GABRG1: variants seen among roughly 807,000 people sequenced by gnomAD.
GABRG1 encodes gamma-aminobutyric acid type A receptor subunit gamma1, also known as gamma-aminobutyric acid receptor subunit gamma-1.
A neutral mutation model predicts 49.8 loss-of-function variants in GABRG1; 49 were observed. The observed-to-expected ratio is 0.98, with a 90% CI of 0.78 to 1.25. The LOEUF (loss-of-function observed/expected upper bound fraction) is 1.25, where lower values mean the gene tolerates loss of function less well. GABRG1 is among the 50% of genes most tolerant of loss of function. GABRG1 has a pLI of 0.00. For missense variants in GABRG1, 552 were observed against 552.3 expected, an observed-to-expected ratio of 1.00 and a Z score of 0.01; for synonymous variants, 232 against 185.1, an observed-to-expected ratio of 1.25 and a Z score of -2.06.
At position 46,051,565 on chromosome 4, in the gene GABRG1, C is replaced by T. The variant is rs1431398471; in HGVS notation, c.990G>A (p.Val330=). 30 of 1,611,558 alleles carry T rather than the reference C, an allele frequency of 1.9e-5. No homozygotes were observed. The highest frequency in any genetic ancestry group is 2.4e-5 in the Non-Finnish European group (28 of 1,178,516). The part of the protein sequence containing the change: ...ARKSLPKVSY[V]TAMDLFVSVC... ...CAGAAACAAAGAGATCCATCGCAGTCACATAAGAAACCTTAGGTAAAGACT... is the reference window on the plus strand; with the variant it reads ...CAGAAACAAAGAGATCCATCGCAGTTACATAAGAAACCTTAGGTAAAGACT... Residue 330 remains valine (V), a synonymous_variant, in exon 8 of 9, where the codon GTG becomes GTA. Transcript: ENST00000295452.
At position 46,081,519 on chromosome 4, in the gene GABRG1, CA is replaced by C. The variant is rs935895627; in HGVS notation, c.321+2466del. ...GAAAAACTGAGTGTGACTGTCACAC[CA>C]AAGGAGTAAGCAGACATAGGCAACT... On this transcript the variant is annotated intron_variant, in intron 3 of 8. Coordinates refer to ENST00000295452, the MANE Select transcript of GABRG1 (RefSeq NM_173536.4). 8.6e-5 allele frequency among the ~76,000 whole-genome samples: 13 copies of C among 151,612 alleles called. No homozygotes were observed. The South Asian group carries it at 2.5e-3, about 29-fold the overall frequency.
In GABRG1 at chr4:46,039,865, G is replaced by A. The variant is rs1717688876; in HGVS notation, c.*1123C>T. On this transcript the variant is annotated 3_prime_UTR_variant, in exon 9 of 9. Transcript: ENST00000295452. ...GCCCCCAGTTTCTAGAAAAAAAAAA[G>A]AATATTATAATAATGTATAATGTAG... 6.6e-6 allele frequency: 1 copy of A among 151,212 alleles called. No homozygotes were observed. Among genetic ancestry groups the A allele is most frequent in the South Asian group, 2.1e-4 (1 of 4,800 alleles). The allele number at this position is 151,212 out of a possible 1,614,324, so 9.4% of individuals were successfully genotyped here.
rs1720197354 is a variant in GABRG1, at chr4:46,097,303, T to C, written c.151A>G (p.Lys51Glu). 1.2e-6 allele frequency: 2 copies of C among 1,610,756 alleles called. No homozygotes were observed. The highest frequency in any genetic ancestry group is 1.7e-6 in the Non-Finnish European group (2 of 1,178,028). The change falls in exon 2 of 9, where the codon AAA becomes GAA. Residue 51 changes from lysine to glutamate, a missense_variant. By Grantham distance (56) the Lys-to-Glu change is moderately conservative. Transcript: ENST00000295452. Reference sequence around the variant, plus strand: ...ATTTTTGGGGCCAAGACCCAGGTTTTGTTCACCGTTAAATCCTCATCATCT... The same window carrying C: ...ATTTTTGGGGCCAAGACCCAGGTTTCGTTCACCGTTAAATCCTCATCATCT... Reference protein sequence around the residue: ...DEDDEDLTVNKTWVLAPKIHE... With the variant: ...DEDDEDLTVNETWVLAPKIHE...
At chr4:46,103,006 C>T (rs1720430770) in intron 1 of GABRG1, among the ~76,000 whole-genome samples, 1 of 149,176 alleles carries the variant, frequency 6.7e-6, no homozygotes, top group South Asian at 2.1e-4. Context: ...ACCTGTTGCC[C>T]CAAAATGATT....
intron 3 of GABRG1, among the ~76,000 whole-genome samples, chr4:46,081,624 T>C (rs1719572220): frequency 6.6e-6 from 1 of 151,780 alleles, no homozygotes; most frequent in Non-Finnish European, 1.5e-5. Flanking sequence ...ATTATAATAT[T>C]GAATAAATAA....
At chr4:46,092,827 C>T (rs143151857) in intron 2 of GABRG1, among the ~76,000 whole-genome samples, 2,446 of 151,620 alleles carry the variant, frequency 0.016, 65 homozygotes, top group African/African-American at 0.057. Flanking sequence ...TTTAGAAGGC[C>T]GAGGTGGGTG....
intron 3 of GABRG1, among the ~76,000 whole-genome samples, chr4:46,067,903 C>T (rs1412105996): frequency 1.3e-5 from 2 of 152,128 alleles, no homozygotes; most frequent in Non-Finnish European, 2.9e-5. Context: ...CACAACATCA[C>T]TGGTGTACCT....
chr4:46,123,930 C>A lies in GABRG1; in HGVS notation c.-17G>T. On this transcript the variant is annotated 5_prime_UTR_variant, in exon 1 of 9. Coordinates refer to ENST00000295452, the MANE Select transcript of GABRG1 (RefSeq NM_173536.4). ...AGGACCCATCGGAATCGCTTTTTTA[C>A]GTGTGCTGCACTAGCTCAATTCTCC... 1.3e-6 allele frequency: 2 copies of A among 1,586,416 alleles called. No individual in the cohort carries two copies. Among genetic ancestry groups the A allele is most frequent in the Non-Finnish European group, 1.7e-6 (2 of 1,155,786 alleles).
rs1359063207 is a variant in GABRG1 at position 46,062,033 on chromosome 4, C to T, written c.625+2408G>A. On this transcript the variant is annotated intron_variant, in intron 5 of 8. Coordinates refer to ENST00000295452, the MANE Select transcript of GABRG1 (RefSeq NM_173536.4). ...TAATGCTATCCCTCCCCCCTCCCCC[C>T]ACCCCACAACAGTCCCCAGAGTGTG... Among the ~76,000 whole-genome samples, 16 of 112,584 alleles carry T rather than the reference C, an allele frequency of 1.4e-4. No homozygotes were observed. The East Asian group carries it at 2.2e-3, about 16-fold the overall frequency. The allele number at this position is 112,584 out of a possible 152,430, so 73.9% of individuals were successfully genotyped here. A position where few individuals can be genotyped will look rare whatever the true frequency, so the allele number is the denominator to read the frequency against.
At chr4:46,082,605 A>G (rs1719616856) in intron 3 of GABRG1, among the ~76,000 whole-genome samples, 1 of 151,730 alleles carries the variant, frequency 6.6e-6, no homozygotes, top group African/African-American at 2.4e-5. Context: ...TTCCAACTGA[A>G]TTTCTCCTAA....
intron 1 of GABRG1, among the ~76,000 whole-genome samples, chr4:46,120,317 G>T (rs1410820649): frequency 6.6e-6 from 1 of 151,190 alleles, no homozygotes; most frequent in Admixed American, 6.6e-5. Context: ...CCTCCTTTGG[G>T]CCTCCACCTT....
chr4:46,072,518 C>T (rs1001453701), intron 3 of GABRG1, among the ~76,000 whole-genome samples: 14 of 152,056 alleles, frequency 9.2e-5, no homozygotes, highest in African/African-American at 3.4e-4. Flanking sequence ...CATATTCCTC[C>T]ATCTCATGTT....
chr4:46,085,122 C>T lies in GABRG1; in HGVS notation c.254-1069G>A, dbSNP rs577827955. ...TCAGTTAAACTGATAAATCAGCAAA[C>T]GCCGAGTGCCTACTTTTATTTCACA... On this transcript the variant is annotated intron_variant, in intron 2 of 8. Transcript: ENST00000295452. 6.6e-5 allele frequency among the ~76,000 whole-genome samples: 10 copies of T among 151,070 alleles called. No homozygotes were observed. The South Asian group carries it at 1.7e-3, about 25-fold the overall frequency.
intron 1 of GABRG1, among the ~76,000 whole-genome samples, chr4:46,116,672 C>T (rs1720897502): frequency 6.6e-6 from 1 of 150,682 alleles, no homozygotes; most frequent in African/African-American, 2.4e-5. Context: ...ACTTCAAAAA[C>T]TAAGAGAATA....
intron 2 of GABRG1, among the ~76,000 whole-genome samples, chr4:46,093,144 T>C (rs936019346): frequency 2.0e-5 from 3 of 150,208 alleles, no homozygotes; most frequent in Non-Finnish European, 3.0e-5. Flanking sequence ...TCAAATTAAA[T>C]GTTATAGCAA....
chr4:46,077,746 A>G (rs970687804), intron 3 of GABRG1, among the ~76,000 whole-genome samples: 2 of 151,840 alleles, frequency 1.3e-5, no homozygotes, highest in African/African-American at 2.4e-5. Flanking sequence ...TTAACAATGA[A>G]CCAATTGTCA....
In GABRG1 at chr4:46,071,932, T is replaced by G. The variant is rs533422043; in HGVS notation, c.322-6348A>C. ...TTTAGTGTATTCTAAGTGCACAGTGTTTATAAGGTCTAAAGTAGTGCAAAG... is the reference window on the plus strand; with the variant it reads ...TTTAGTGTATTCTAAGTGCACAGTGGTTATAAGGTCTAAAGTAGTGCAAAG... On this transcript the variant is annotated intron_variant, in intron 3 of 8. Coordinates refer to ENST00000295452, the MANE Select transcript of GABRG1 (RefSeq NM_173536.4). Among the ~76,000 whole-genome samples the G allele has an allele frequency of 1.3e-4, 20 of 152,074 alleles. No homozygotes were observed. The East Asian group carries it at 3.9e-3, about 29-fold the overall frequency.
chr4:46,053,131 T>C (rs926473472), intron 7 of GABRG1, among the ~76,000 whole-genome samples: 4 of 151,888 alleles, frequency 2.6e-5, no homozygotes, highest in Non-Finnish European at 5.9e-5. Flanking sequence ...CTTAATTTAA[T>C]TATTTGTCTT....
At chr4:46,110,870 A>T (rs1720691104) in intron 1 of GABRG1, among the ~76,000 whole-genome samples, 1 of 151,168 alleles carries the variant, frequency 6.6e-6, no homozygotes, top group South Asian at 2.1e-4. Flanking sequence ...AGAGTCATCT[A>T]TGACAAATCA....
Sources: gnomAD v4.1 joint callset for allele counts (sites outside exome capture counted in the v4.1 genomes callset) on GRCh38, gnomAD v4.1.1 for gene constraint, MANE v1.5 for transcripts, NCBI Gene and HGNC (gene_info 2026-07-23, HGNC 2026-07-21) for gene names.